The following COL4A2 variants were observed in gnomAD, a reference collection of about 807,000 sequenced individuals.
The protein encoded by COL4A2 is collagen type IV alpha 2 chain.
Under a neutral mutation model 200.2 loss-of-function variants are expected in COL4A2, and 99 were observed. That is an observed-to-expected ratio of 0.49 (90% CI 0.42 to 0.58). The LOEUF is 0.58. Ranked by LOEUF, COL4A2 falls within the 20% of genes least tolerant of loss-of-function variation. The probability of loss-of-function intolerance (pLI) is 0.00; values close to 1 mark genes in which losing one functional copy is unlikely to be tolerated. For missense variants in COL4A2, 1,950 were observed against 2,314.1 expected (o/e 0.84, Z 3.23); for synonymous variants, 897 against 900.6 (o/e 1.00, Z 0.07).
At chr13:110,319,184 G>A (rs1229103586) in intron 3 of COL4A2, among the ~76,000 whole-genome samples, 3 of 152,072 alleles carry the variant, frequency 2.0e-5, no homozygotes, top group East Asian at 1.9e-4. Flanking sequence ...TGGTGGCTCT[G>A]AGCAGATGGC....
At chr13:110,423,323 A>C (rs1468613633) in intron 4 of COL4A2, among the ~76,000 whole-genome samples, 2 of 152,114 alleles carry the variant, frequency 1.3e-5, no homozygotes, top group African/African-American at 4.8e-5. Flanking sequence ...TTTTAATGTA[A>C]CATTTTAAAA....
At chr13:110,479,696 G>A (rs551401715) in intron 30 of COL4A2, among the ~76,000 whole-genome samples, 16 of 152,338 alleles carry the variant, frequency 1.1e-4, no homozygotes, top group Admixed American at 2.0e-4. Flanking sequence ...TGGACGGCTT[G>A]GAGTCGGGGG....
chr13:110,314,164 A>G (rs1352423440), intron 3 of COL4A2, among the ~76,000 whole-genome samples: 5 of 152,242 alleles, frequency 3.3e-5, no homozygotes, highest in Non-Finnish European at 7.3e-5. Flanking sequence ...AATGTGCCAT[A>G]GTTTTATAAA....
chr13:110,399,275 C>T (rs1019864306), intron 4 of COL4A2, among the ~76,000 whole-genome samples: 1 of 152,194 alleles, frequency 6.6e-6, no homozygotes, highest in African/African-American at 2.4e-5. Flanking sequence ...TTGTTCCTCC[C>T]GTAAGCCCTC....
intron 19 of COL4A2, among the ~76,000 whole-genome samples, chr13:110,450,070 GTGT>G (rs1403693192): frequency 3.3e-5 from 5 of 152,194 alleles, no homozygotes; most frequent in African/African-American, 1.2e-4. Context: ...GAATCATCAG[GTGT>G]TGTTGCCCAG....
chr13:110,503,348 A>G, intron 42 of COL4A2, 35 bp from the exon 43 acceptor site: 1 of 1,588,702 alleles, frequency 6.3e-7, no homozygotes, highest in South Asian at 1.1e-5. Flanking sequence ...CTCCCCACAG[A>G]CTTTCGTGTC....
intron 47 of COL4A2, among the ~76,000 whole-genome samples, chr13:110,509,262 TATATATATACACACACACAC>T (rs1472288729): frequency 8.3e-6 from 1 of 120,126 alleles, no homozygotes; most frequent in Admixed American, 8.6e-5. Context: ...TATATATATA[TATATATATACACACACACAC>T]ACACACACAC....
intron 20 of COL4A2, among the ~76,000 whole-genome samples, chr13:110,450,688 C>G (rs1041641180): frequency 2.0e-5 from 3 of 152,168 alleles, no homozygotes; most frequent in Non-Finnish European, 4.4e-5. Flanking sequence ...ATCACAGCCC[C>G]GTGGATGCCA....
chr13:110,508,355 G>C lies in COL4A2; in HGVS notation c.4881+134G>C. The C allele has an allele frequency of 1.4e-6, 2 of 1,383,160 alleles. No homozygotes were observed. The highest frequency in any genetic ancestry group is 4.2e-5 in the Admixed American group (2 of 47,624). The allele number at this position is 1,383,160 out of a possible 1,614,324, so 85.7% of individuals were successfully genotyped here. ...TGCACAAGGGTAGTTGGCCCAGGAA[G>C]CGAGCGAGAGCTGGAACACAGCTTA... On this transcript the variant is annotated intron_variant, in intron 47 of 47. Coordinates refer to ENST00000360467, the MANE Select transcript of COL4A2 (RefSeq NM_001846.4). The surrounding 1 kb of genome is among the most constrained non-coding windows in gnomAD (Gnocchi z 6.1).
chr13:110,470,810 TC>T (rs2139510174), intron 28 of COL4A2, among the ~76,000 whole-genome samples: 1 of 152,328 alleles, frequency 6.6e-6, no homozygotes, highest in Admixed American at 6.5e-5. Flanking sequence ...GAAGTGTCTG[TC>T]CGTCCCTGAT....
chr13:110,313,465 CCCGGTGCCCCGCGT>C (rs1885044376), intron 3 of COL4A2, among the ~76,000 whole-genome samples: 1 of 151,930 alleles, frequency 6.6e-6, no homozygotes, highest in South Asian at 2.1e-4. Context: ...AGGCTCCCAC[CCCGGTGCCCCGCGT>C]CCACCCGGCA....
chr13:110,489,625 T>C, intron 35 of COL4A2, 86 bp from the exon 36 acceptor site: 5 of 1,594,610 alleles, frequency 3.1e-6, no homozygotes, highest in Non-Finnish European at 4.3e-6. Flanking sequence ...TTATTCTTGT[T>C]AGGAATATAA....
chr13:110,474,919 T>C (rs370811086), intron 29 of COL4A2, among the ~76,000 whole-genome samples: 18 of 41,276 alleles, frequency 4.4e-4, no homozygotes, highest in East Asian at 3.9e-3. Flanking sequence ...ATCACACACA[T>C]GCACATACCC....
chr13:110,414,678 G>A (rs953594879), intron 4 of COL4A2, among the ~76,000 whole-genome samples: 3 of 152,160 alleles, frequency 2.0e-5, no homozygotes, highest in African/African-American at 7.2e-5. Flanking sequence ...AGTTACCAAT[G>A]GCAAAAAGCA....
At chr13:110,446,716 G>A (rs1881339898) in intron 17 of COL4A2, 82 bp from the exon 18 acceptor site, 1 of 1,242,308 alleles carries the variant, frequency 8.0e-7, no homozygotes, top group Non-Finnish European at 1.2e-6. Flanking sequence ...CCACGCTCGG[G>A]TTTCTTCTTT....
intron 44 of COL4A2, 75 bp downstream of exon 44, chr13:110,504,068 T>G: frequency 6.4e-7 from 1 of 1,568,622 alleles, no homozygotes; most frequent in South Asian, 1.1e-5. Flanking sequence ...CATTGCGTCC[T>G]CTTGTGTTCT....
At chr13:110,354,751 G>GA (rs939597484) in intron 3 of COL4A2, among the ~76,000 whole-genome samples, 155 of 148,568 alleles carry the variant, frequency 1.0e-3, no homozygotes, top group African/African-American at 3.1e-3. Flanking sequence ...TTAGCTGAAA[G>GA]AAAAAAAAAA....
chr13:110,320,399 A>G (rs1274014536), intron 3 of COL4A2, among the ~76,000 whole-genome samples: 1 of 152,136 alleles, frequency 6.6e-6, no homozygotes, highest in African/African-American at 2.4e-5. Flanking sequence ...TCTGCTTCTC[A>G]CCTGATTGGA....
At chr13:110,425,863 A>C (rs1264925009) in intron 6 of COL4A2, among the ~76,000 whole-genome samples, 1 of 152,226 alleles carries the variant, frequency 6.6e-6, no homozygotes, top group African/African-American at 2.4e-5. Flanking sequence ...CAGAGAACTC[A>C]TGCGTTTCCA....
Sources: gnomAD v4.1 joint callset for allele counts (sites outside exome capture counted in the v4.1 genomes callset) on GRCh38, gnomAD v4.1.1 for gene constraint, Gnocchi (gnomAD v3.1) non-coding constraint, MANE v1.5 for transcripts, NCBI Gene and HGNC (gene_info 2026-07-23, HGNC 2026-07-21) for gene names.